Variants in WDR18 observed in about 807,000 individuals in gnomAD.
The protein encoded by WDR18 is WD repeat domain 18, also known as WD repeat-containing protein 18.
Under a neutral mutation model 49.6 loss-of-function variants are expected in WDR18, and 33 were observed. The ratio of observed to expected loss-of-function variants is 0.67; its 90% CI spans 0.50 to 0.89. WDR18 has a LOEUF of 0.89. WDR18 is among the 40% of genes least tolerant of loss of function. WDR18 has a pLI of 0.00. For missense variants in WDR18, 653 were observed against 593.6 expected (o/e 1.10, Z -1.04); for synonymous variants, 315 against 263.6 (o/e 1.19, Z -1.89).
At chr19:990,615 C>T (rs1401081402) in intron 4 of WDR18, 14 of 804,984 alleles carry the variant, frequency 1.7e-5, no homozygotes, top group Middle Eastern at 3.7e-4. Context: ...ATGCTTGAGT[C>T]GTGACCGGTG....
intron 8 of WDR18, among the ~76,000 whole-genome samples, chr19:993,372 A>G (rs568147786): frequency 6.6e-6 from 1 of 152,274 alleles, no homozygotes; most frequent in East Asian, 1.9e-4. Flanking sequence ...GGGCCAGGCC[A>G]TGCCCTCCGG....
At chr19:986,030 T>G in intron 2 of WDR18, 55 bp downstream of exon 2, 1 of 1,564,552 alleles carries the variant, frequency 6.4e-7, no homozygotes, top group Non-Finnish European at 8.8e-7. Flanking sequence ...CCATCTGAGC[T>G]TTGCCTGCAG....
upstream of WDR18, among the ~76,000 whole-genome samples, chr19:983,304 A>G (rs1340144929): frequency 6.6e-6 from 1 of 151,988 alleles, no homozygotes; most frequent in Non-Finnish European, 1.5e-5. Context: ...AATAATAGAT[A>G]TATGTTTTTC....
chr19:991,040 G>A (rs760252968), intron 5 of WDR18, 41 bp from the exon 6 acceptor site: 2 of 1,599,436 alleles, frequency 1.3e-6, no homozygotes, highest in African/African-American at 2.7e-5. Flanking sequence ...TGGGGCTGAG[G>A]GCATCGGGCC....
intron 2 of WDR18, among the ~76,000 whole-genome samples, chr19:987,798 T>C (rs1027957704): frequency 1.4e-5 from 2 of 146,510 alleles, no homozygotes; most frequent in Non-Finnish European, 3.0e-5. Flanking sequence ...TGGCACCCAC[T>C]GCCAGACCCC....
Position 990,332 on chromosome 19 carries a change from G to C in WDR18, c.565G>C (p.Val189Leu). 1 of 1,590,900 alleles carries C rather than the reference G, an allele frequency of 6.3e-7. No individual in the cohort carries two copies. Among genetic ancestry groups the C allele is most frequent in the Middle Eastern group, 1.7e-4 (1 of 6,034 alleles). The part of the protein sequence containing the change: ...HCGFGGPLAR[V>L]ATSSLDQTVK... ...CGGCTTTGGGGGCCCCCTGGCCCGG[G>C]TGGCCACCTCCTCACTGGACCAGAC... The change falls in exon 4 of 10, where the codon GTG becomes CTG. Residue 189 changes from valine (V) to leucine (L), a missense_variant. Coordinates refer to ENST00000585809, the MANE Select transcript of WDR18 (RefSeq NM_024100.4).
At chr19:984,251 C>G (rs946286975), upstream of WDR18, 4 of 1,244,192 alleles carry the variant, frequency 3.2e-6, no homozygotes, top group African/African-American at 4.8e-5. Context: ...ATGCGCGGGT[C>G]GGCCACCCGC....
rs2038542294 is a variant in WDR18 at position 991,233 on chromosome 19, G to A, written c.813G>A (p.Gln271=). Residue 271 remains glutamine, a synonymous_variant, in exon 7 of 10, where the codon CAG becomes CAA. Coordinates refer to ENST00000585809, the MANE Select transcript of WDR18 (RefSeq NM_024100.4). Reference sequence around the variant, plus strand: ...CCCCTGTCTGTCTGTCCAGGAACCAGGTGACTTGCCTGTCAGTGTCCACTG... The same window carrying A: ...CCCCTGTCTGTCTGTCCAGGAACCAAGTGACTTGCCTGTCAGTGTCCACTG... The part of the protein sequence containing the change: ...AGKVFKGHRN[Q]VTCLSVSTDG... 1.3e-6 allele frequency: 2 copies of A among 1,574,314 alleles called. 1 individual carries two copies. Among genetic ancestry groups the A allele is most frequent in the South Asian group, 2.3e-5 (2 of 86,848 alleles).
chr19:986,086 C>A, intron 2 of WDR18, 111 bp downstream of exon 2: 1 of 994,184 alleles, frequency 1.0e-6, no homozygotes, highest in Non-Finnish European at 1.5e-6. Flanking sequence ...GGATGGGTGA[C>A]TGCTCAGGGG....
chr19:987,829 G>GTTTTTTTTGTTTTTTTTTTTTTTT (rs2038490657), intron 2 of WDR18, among the ~76,000 whole-genome samples: 17 of 91,806 alleles, frequency 1.9e-4, no homozygotes, highest in African/African-American at 8.5e-4. Context: ...GCCGCCTCCA[G>GTTTTTTTTGTTTTTTTTTTTTTTT]TTTTTTTTTT....
At chr19:986,535 G>T (rs2038477152) in intron 2 of WDR18, among the ~76,000 whole-genome samples, 1 of 152,126 alleles carries the variant, frequency 6.6e-6, no homozygotes, top group African/African-American at 2.4e-5. Context: ...CCCCAGAGTA[G>T]TGGGATTACA....
At position 987,829 on chromosome 19, in the gene WDR18, G is replaced by GTTTTTTTTTTTT. The variant is rs71174337; in HGVS notation, c.321+1866_321+1877dup. 2.9e-3 allele frequency among the ~76,000 whole-genome samples: 270 copies of GTTTTTTTTTTTT among 91,790 alleles called. 53 individuals are homozygous for GTTTTTTTTTTTT. The highest frequency in any genetic ancestry group is 0.01 in the African/African-American group (195 of 18,926). 60.2% of individuals were successfully genotyped at this position (91,790 alleles called of 152,430 possible). A position where few individuals can be genotyped will look rare whatever the true frequency, so the allele number is the denominator to read the frequency against. On this transcript the variant is annotated intron_variant, in intron 2 of 9. Transcript: ENST00000585809. Reference sequence around the variant, plus strand: ...ACCCCTGCTCCCCTAGCCGCCTCCAGTTTTTTTTTTTTTTTTTTTTTTTCA... The same window carrying GTTTTTTTTTTTT: ...ACCCCTGCTCCCCTAGCCGCCTCCAGTTTTTTTTTTTTTTTTTTTTTTTTTTTTTTTTTTTCA...
chr19:984,267 C>G (rs1006918448), upstream of WDR18: 10 of 1,322,968 alleles, frequency 7.6e-6, no homozygotes, highest in Admixed American at 8.0e-5. Context: ...CCCGCTGGGG[C>G]CGCGGGGCCG....
intron 7 of WDR18, 80 bp downstream of exon 7, chr19:991,431 G>T: frequency 7.1e-7 from 1 of 1,402,848 alleles, no homozygotes; most frequent in Non-Finnish European, 9.4e-7. Flanking sequence ...CTTGGGTGGG[G>T]GCGGGGACTG....
chr19:990,441 C>T (rs1280042093), intron 4 of WDR18, 77 bp downstream of exon 4: 24 of 1,434,964 alleles, frequency 1.7e-5, no homozygotes, highest in Non-Finnish European at 1.9e-5. Context: ...ATGCAGGAAT[C>T]GCCTCCTCCC....
In WDR18 at chr19:994,394, C is replaced by A; in HGVS notation, c.*50C>A. ...GCCCAGGCCTGAGCCCCATGCCTCC[C>A]AGCAACCAGGGCCCGCGGGTGTGGC... is the stretch of plus-strand genomic sequence containing the variant. On this transcript the variant is annotated 3_prime_UTR_variant, in exon 10 of 10. Coordinates refer to ENST00000585809, the MANE Select transcript of WDR18 (RefSeq NM_024100.4). 2 of 1,564,428 alleles carry A rather than the reference C, an allele frequency of 1.3e-6. No individual in the cohort carries two copies. The highest frequency in any genetic ancestry group is 1.2e-5 in the South Asian group (1 of 86,710).
intron 2 of WDR18, among the ~76,000 whole-genome samples, chr19:986,956 T>C (rs2038481657): frequency 6.6e-6 from 1 of 152,214 alleles, no homozygotes; most frequent in African/African-American, 2.4e-5. Context: ...TAACCATGTT[T>C]CTGCCCTTCC....
At position 994,079 on chromosome 19, in the gene WDR18, C is replaced by A; in HGVS notation, c.1158C>A (p.Thr386=). 1 of 1,558,592 alleles carries A rather than the reference C, an allele frequency of 6.4e-7. No homozygotes were observed. The highest frequency in any genetic ancestry group is 8.7e-7 in the Non-Finnish European group (1 of 1,152,734). The part of the protein sequence containing the change: ...TEQLQAVLCS[T]MEKSVLGGQD... ...AGCTGCAGGCCGTCCTGTGCAGCAC[C>A]ATGGAGAAGGTGGGCGGGGCCTCGG... is the stretch of plus-strand genomic sequence containing the variant. The change falls in exon 9 of 10, where the codon ACC becomes ACA. Residue 386 remains threonine (T), a synonymous_variant. Transcript: ENST00000585809.
intron 4 of WDR18, 109 bp downstream of exon 4, chr19:990,473 A>G (rs904433456): frequency 7.2e-7 from 1 of 1,379,542 alleles, no homozygotes; most frequent in Non-Finnish European, 9.5e-7. Flanking sequence ...TCAGGACTCC[A>G]GACGGCTTTT....
Sources: allele counts gnomAD v4.1 joint callset (sites outside exome capture counted in the v4.1 genomes callset), GRCh38; gene constraint gnomAD v4.1.1; transcripts MANE v1.5; gene names NCBI Gene and HGNC (gene_info 2026-07-23, HGNC 2026-07-21).